CDK15: variants seen among roughly 807,000 people sequenced by gnomAD.
The protein encoded by CDK15 is cyclin-dependent kinase 15.
A neutral mutation model predicts 60.3 loss-of-function variants in CDK15; 62 were observed. The observed-to-expected ratio is 1.03, with a 90% CI of 0.84 to 1.27. The LOEUF (loss-of-function observed/expected upper bound fraction) is 1.27. Among genes scored for constraint, CDK15 ranks in the 50% most tolerant of loss-of-function variants. The pLI, the probability that CDK15 is intolerant of heterozygous loss-of-function variation, is 0.00. For synonymous variants in CDK15, 194 were observed against 195.7 expected, an observed-to-expected ratio of 0.99 and a Z score of 0.07; for missense variants, 541 against 527.8, an observed-to-expected ratio of 1.03 and a Z score of -0.25.
intron 9 of CDK15, among the ~76,000 whole-genome samples, chr2:201,851,441 G>A (rs1278641423): frequency 2.0e-5 from 3 of 152,064 alleles, no homozygotes; most frequent in African/African-American, 7.2e-5. Context: ...CCTCCAGAGA[G>A]GGCAAATGCT....
chr2:201,865,889 C>CAAA (rs1262940691), intron 10 of CDK15, among the ~76,000 whole-genome samples: 402 of 24,812 alleles, frequency 0.016, 39 homozygotes, highest in African/African-American at 0.05. Flanking sequence ...GATTCCATCT[C>CAAA]AACAAAAAAA....
At chr2:201,873,447 G>A (rs574309206) in intron 11 of CDK15, among the ~76,000 whole-genome samples, 6 of 152,244 alleles carry the variant, frequency 3.9e-5, no homozygotes, top group Admixed American at 6.5e-5. Flanking sequence ...AGCATGGCCC[G>A]TGGCTTTCTT....
At chr2:201,822,782 A>G (rs1339298649) in intron 4 of CDK15, 27 bp from the exon 5 acceptor site, 1 of 1,342,686 alleles carries the variant, frequency 7.4e-7, no homozygotes, top group South Asian at 1.2e-5. Flanking sequence ...TCAATGATGG[A>G]TTTAACATTT....
intron 7 of CDK15, among the ~76,000 whole-genome samples, 191 bp from the exon 8 acceptor site, chr2:201,835,452 G>A (rs1039439846): frequency 1.3e-5 from 2 of 152,198 alleles, no homozygotes; most frequent in African/African-American, 4.8e-5. Context: ...ACATCTAGCT[G>A]CAAAGCAGGC....
intron 6 of CDK15, among the ~76,000 whole-genome samples, chr2:201,825,257 G>A (rs1212279037): frequency 1.4e-5 from 2 of 145,812 alleles, no homozygotes; most frequent in African/African-American, 2.6e-5. Context: ...GAGGTGCAGC[G>A]AGCAAAGATC....
At chr2:201,891,451 C>CA (rs1252683129) in intron 13 of CDK15, among the ~76,000 whole-genome samples, 1 of 152,152 alleles carries the variant, frequency 6.6e-6, no homozygotes, top group Non-Finnish European at 1.5e-5. Context: ...GGGTAACAAA[C>CA]AAAGTTTTCC....
rs567723960 is a variant in CDK15 at position 201,857,232 on chromosome 2, C to CAAAAAAAAAAAAAAAAAAAAA, written c.1009+2311_1009+2312insAAAAAAAAAAAAAAAAAAAAA. Among the ~76,000 whole-genome samples the CAAAAAAAAAAAAAAAAAAAAA allele has an allele frequency of 7.7e-3, 11 of 1,424 alleles. 1 individual carries two copies. The highest frequency in any genetic ancestry group is 9.7e-3 in the Non-Finnish European group (9 of 930). The allele number at this position is 1,424 out of a possible 152,430, so 0.9% of individuals were successfully genotyped here. ...TGGGCGACAGAGCGAGACTCCGTCT[C>CAAAAAAAAAAAAAAAAAAAAA]AAAAAAAAAAAAAAAAGATAACTGG... On this transcript the variant is annotated intron_variant, in intron 10 of 13. Transcript: ENST00000652192.
At chr2:201,874,996 T>C (rs1389748419) in intron 11 of CDK15, among the ~76,000 whole-genome samples, 2 of 151,436 alleles carry the variant, frequency 1.3e-5, no homozygotes, top group Non-Finnish European at 3.0e-5. Flanking sequence ...GGGAGACTTT[T>C]ATACTCAGAG....
intron 9 of CDK15, among the ~76,000 whole-genome samples, chr2:201,851,017 C>T (rs185896147): frequency 1.4e-4 from 22 of 152,064 alleles, no homozygotes; most frequent in Non-Finnish European, 1.5e-4. Flanking sequence ...ATTGGCCGGG[C>T]GCAGTGGCTC....
rs185129556 is a variant in CDK15 at position 201,829,605 on chromosome 2, C to A, written c.607-4243C>A. ...ACAGGCGAGCTCCAGACTGTGTGGG[C>A]CTAAAGTAGAAAGGCAATCTGAGTT... is the stretch of plus-strand genomic sequence containing the variant. On this transcript the variant is annotated intron_variant, in intron 6 of 13. Transcript: ENST00000652192. 2.0e-5 allele frequency among the ~76,000 whole-genome samples: 3 copies of A among 151,862 alleles called. No homozygotes were observed. The East Asian group carries it at 5.8e-4, about 29-fold the overall frequency.
chr2:201,888,234 A>G (rs1699529295), intron 12 of CDK15, among the ~76,000 whole-genome samples: 1 of 152,164 alleles, frequency 6.6e-6, no homozygotes, highest in African/African-American at 2.4e-5. Context: ...TTTCTAAAGG[A>G]AGGAAAGTTA....
At chr2:201,871,773 T>G (rs1295033953) in intron 10 of CDK15, among the ~76,000 whole-genome samples, 1 of 152,028 alleles carries the variant, frequency 6.6e-6, no homozygotes, top group Non-Finnish European at 1.5e-5. Flanking sequence ...AAGTCTGAAA[T>G]TGAGGTGTTG....
chr2:201,850,125 A>G (rs766457363), intron 9 of CDK15, among the ~76,000 whole-genome samples: 3 of 152,178 alleles, frequency 2.0e-5, no homozygotes, highest in Non-Finnish European at 4.4e-5. Flanking sequence ...GCCCAGCCTC[A>G]TAAACTGATT....
intron 7 of CDK15, 70 bp from the exon 8 acceptor site, chr2:201,835,573 C>G: frequency 7.0e-7 from 1 of 1,420,128 alleles, no homozygotes; most frequent in Non-Finnish European, 9.4e-7. Context: ...GGTGTTTACC[C>G]TGGTCCAGTG....
chr2:201,868,968 T>C (rs1004001605), intron 10 of CDK15, among the ~76,000 whole-genome samples: 37 of 152,336 alleles, frequency 2.4e-4, no homozygotes, highest in Middle Eastern at 6.8e-3. Flanking sequence ...GAAGACAGTG[T>C]GGCGATTCCT....
chr2:201,833,890 C>T lies in CDK15; in HGVS notation c.649C>T (p.His217Tyr). 1.2e-6 allele frequency: 2 copies of T among 1,613,984 alleles called. No individual in the cohort carries two copies. The highest frequency in any genetic ancestry group is 1.7e-6 in the Non-Finnish European group (2 of 1,179,972). ...QLLRGLAYIH[H>Y]QHVLHRDLKP... ...TTTGCGGGGCCTGGCGTACATCCAC[C>T]ACCAACACGTTCTTCACAGGGACCT... is the stretch of plus-strand genomic sequence containing the variant. Residue 217 changes from histidine to tyrosine, a missense_variant, in exon 7 of 14, where the codon CAC becomes TAC. Coordinates refer to ENST00000652192, the MANE Select transcript of CDK15 (RefSeq NM_001366386.2).
chr2:201,851,283 C>T (rs1253241713), intron 9 of CDK15, among the ~76,000 whole-genome samples: 2 of 102,888 alleles, frequency 1.9e-5, no homozygotes, highest in African/African-American at 7.6e-5. Context: ...CAGAGTGAGA[C>T]TTCATCTCAA....
At chr2:201,858,749 C>A (rs1023139385) in intron 10 of CDK15, among the ~76,000 whole-genome samples, 1 of 151,890 alleles carries the variant, frequency 6.6e-6, no homozygotes, top group African/African-American at 2.4e-5. Flanking sequence ...TGCAGAGTAC[C>A]CAGTGTCTTG....
chr2:201,818,320 T>G (rs1476307511), intron 4 of CDK15, among the ~76,000 whole-genome samples: 1 of 152,192 alleles, frequency 6.6e-6, no homozygotes, highest in Non-Finnish European at 1.5e-5. Flanking sequence ...ACATCCCTAT[T>G]TACTTTTGTG....
Sources: allele counts gnomAD v4.1 joint callset (sites outside exome capture counted in the v4.1 genomes callset), GRCh38; gene constraint gnomAD v4.1.1; transcripts MANE v1.5; gene names NCBI Gene and HGNC (gene_info 2026-07-23, HGNC 2026-07-21).